The following PRRG3 variants were observed in gnomAD, a reference collection of about 807,000 sequenced individuals.
The protein encoded by PRRG3 is proline rich and Gla domain 3.
PRRG3 carries 21 observed loss-of-function variants against 15.8 expected under a neutral mutation model. The observed-to-expected ratio is 1.33, with a 90% confidence interval of 0.94 to 1.92. The LOEUF (loss-of-function observed/expected upper bound fraction) is 1.92, where lower values mean the gene tolerates loss of function less well. Ranked by LOEUF, PRRG3 falls within the 40% of genes most tolerant of loss-of-function variation. The pLI, the probability that PRRG3 is intolerant of heterozygous loss-of-function variation, is 0.00. For synonymous variants in PRRG3, 125 were observed against 84.1 expected, an observed-to-expected ratio of 1.49 and a Z score of -2.66; for missense variants, 251 against 200.2, an observed-to-expected ratio of 1.25 and a Z score of -1.53.
In PRRG3 at chrX:151,700,137, T is replaced by C. The variant is rs1038744998; in HGVS notation, c.149T>C (p.Phe50Ser). The change falls in exon 3 of 4, where the codon TTT (phenylalanine) becomes TCT (serine). Residue 50 changes from phenylalanine to serine, a missense_variant. Phe to Ser is a radical substitution (Grantham distance 155). Transcript: ENST00000674457. ...AGCTACGAGGAGGTCAAGGAAGTGTTTGAGAACAAAGAGAAAACGGCATGT... is the reference window on the plus strand; with the variant it reads ...AGCTACGAGGAGGTCAAGGAAGTGTCTGAGAACAAAGAGAAAACGGCATGT... Reference protein sequence around the residue: ...ICSYEEVKEVFENKEKTMEFW... With the variant: ...ICSYEEVKEVSENKEKTMEFW... The C allele has an allele frequency of 2.5e-6, 3 of 1,211,168 alleles. No individual in the cohort carries two copies. The highest frequency in any genetic ancestry group is 1.7e-5 in the African/African-American group (1 of 57,590).
In PRRG3 at chrX:151,703,572, G is replaced by A. The variant is rs1164845226; in HGVS notation, c.*2539G>A. On this transcript the variant is annotated 3_prime_UTR_variant, in exon 4 of 4. Coordinates refer to ENST00000674457, the MANE Select transcript of PRRG3 (RefSeq NM_001372163.1). Reference sequence around the variant, plus strand: ...GCTATATTTGTACCAGGAGGGATCCGGTCTGAAAAGAGGAATGTCACCTCC... The same window carrying A: ...GCTATATTTGTACCAGGAGGGATCCAGTCTGAAAAGAGGAATGTCACCTCC... 2.7e-5 allele frequency: 3 copies of A among 109,831 alleles called. No homozygotes were observed. Among genetic ancestry groups the A allele is most frequent in the African/African-American group, 6.7e-5 (2 of 30,059 alleles). The allele number at this position is 109,831 out of a possible 1,213,427, so 9.1% of individuals were successfully genotyped here.
chrX:151,700,652 G>A lies in PRRG3; in HGVS notation c.315G>A (p.Leu105=), dbSNP rs751033642. Residue 105 remains leucine (L), a synonymous_variant, in exon 4 of 4, where the codon CTG becomes CTA. Coordinates refer to ENST00000674457, the MANE Select transcript of PRRG3 (RefSeq NM_001372163.1). ...IALFIIWRCQ[L]QKATRHHPSY... ...TGTTCATCATCTGGAGGTGCCAGCT[G>A]CAGAAAGCGACCCGTCACCACCCCT... The A allele has an allele frequency of 3.3e-6, 4 of 1,211,562 alleles. No homozygotes were observed. The highest frequency in any genetic ancestry group is 4.5e-6 in the Non-Finnish European group (4 of 895,414).
At chrX:151,699,744 T>G (rs1443524776) in intron 2 of PRRG3, among the ~76,000 whole-genome samples, 1 of 113,018 alleles carries the variant, frequency 8.8e-6, no homozygotes, top group African/African-American at 3.2e-5. Flanking sequence ...TTTTCTTCCA[T>G]GTAGCCAGGG....
In PRRG3 at chrX:151,705,473, C is replaced by T. The variant is rs144800157; in HGVS notation, c.*4440C>T. 2,367 of 317,045 alleles carry T rather than the reference C, an allele frequency of 7.5e-3. 11 individuals are homozygous for T. The highest frequency in any genetic ancestry group is 0.012 in the Middle Eastern group (26 of 2,153). 26.1% of individuals were successfully genotyped at this position (317,045 alleles called of 1,213,427 possible). A position where few individuals can be genotyped will look rare whatever the true frequency, so the allele number is the denominator to read the frequency against. ...TATCTGACTGCTGAACAGTGCCTGCCCTTCACCCACCCCCAGCCCGAGCAT... is the reference window on the plus strand; with the variant it reads ...TATCTGACTGCTGAACAGTGCCTGCTCTTCACCCACCCCCAGCCCGAGCAT... On this transcript the variant is annotated 3_prime_UTR_variant, in exon 4 of 4. Transcript: ENST00000674457.
chrX:151,705,478 A>G lies in PRRG3; in HGVS notation c.*4445A>G, dbSNP rs184391999. On this transcript the variant is annotated 3_prime_UTR_variant, in exon 4 of 4. Coordinates refer to ENST00000674457, the MANE Select transcript of PRRG3 (RefSeq NM_001372163.1). ...GACTGCTGAACAGTGCCTGCCCTTC[A>G]CCCACCCCCAGCCCGAGCATTAACA... is the stretch of plus-strand genomic sequence containing the variant. 742 of 311,170 alleles carry G rather than the reference A, an allele frequency of 2.4e-3. 6 individuals are homozygous for G. Among genetic ancestry groups the G allele is most frequent in the African/African-American group, 0.018 (645 of 36,753 alleles). 25.6% of individuals were successfully genotyped at this position (311,170 alleles called of 1,213,427 possible). A position where few individuals can be genotyped will look rare whatever the true frequency, so the allele number is the denominator to read the frequency against.
rs766157552 is a variant in PRRG3, at chrX:151,698,498, C to T, written c.-31-286C>T. 1.0e-3 allele frequency: 229 copies of T among 226,661 alleles called. 3 individuals are homozygous for T. Among genetic ancestry groups the T allele is most frequent in the Non-Finnish European group, 1.7e-3 (214 of 126,743 alleles). 18.7% of individuals were successfully genotyped at this position (226,661 alleles called of 1,213,427 possible). ...GCTTTCCTTTTTAAAAGAAAAAGGT[C>T]AACCCTTGGTTCTTATAGATGCTCA... On this transcript the variant is annotated intron_variant, in intron 1 of 3. Transcript: ENST00000674457.
At chrX:151,697,336 A>G (rs2014784912) in intron 1 of PRRG3, among the ~76,000 whole-genome samples, 1 of 109,656 alleles carries the variant, frequency 9.1e-6, no homozygotes, top group Admixed American at 9.7e-5. Context: ...TAATTTTTGT[A>G]TTTGTAGTAG....
Position 151,705,489 on chromosome X carries a change from G to T in PRRG3, c.*4456G>T. 1 of 304,631 alleles carries T rather than the reference G, an allele frequency of 3.3e-6. No individual in the cohort carries two copies. The highest frequency in any genetic ancestry group is 3.5e-5 in the Admixed American group (1 of 28,217). 25.1% of individuals were successfully genotyped at this position (304,631 alleles called of 1,213,427 possible). A position where few individuals can be genotyped will look rare whatever the true frequency, so the allele number is the denominator to read the frequency against. ...AGTGCCTGCCCTTCACCCACCCCCA[G>T]CCCGAGCATTAACACAGATCTTCAG... is the stretch of plus-strand genomic sequence containing the variant. On this transcript the variant is annotated 3_prime_UTR_variant, in exon 4 of 4. Transcript: ENST00000674457.
In PRRG3 at chrX:151,701,676, T is replaced by C. The variant is rs2014888986; in HGVS notation, c.*643T>C. ...TGATGTCCGCCTCCCCTAAAACCTG[T>C]CCCCACACTCCTGGAAGGAGGACAG... On this transcript the variant is annotated 3_prime_UTR_variant, in exon 4 of 4. Transcript: ENST00000674457. 8.9e-6 allele frequency: 1 copy of C among 112,343 alleles called. No homozygotes were observed. The highest frequency in any genetic ancestry group is 9.3e-5 in the Admixed American group (1 of 10,710). 9.3% of individuals were successfully genotyped at this position (112,343 alleles called of 1,213,427 possible).
At chrX:151,696,583 A>AT (rs1339276484) in intron 1 of PRRG3, among the ~76,000 whole-genome samples, 2 of 111,004 alleles carry the variant, frequency 1.8e-5, no homozygotes, top group Admixed American at 9.6e-5. Context: ...ATTTTTCTCC[A>AT]TTTTTTTAAA....
At chrX:151,695,219 G>A (rs2014735944), upstream of PRRG3, 1 of 111,996 alleles carries the variant, frequency 8.9e-6, no homozygotes, top group Non-Finnish European at 1.9e-5. Context: ...GGGGTGTGGG[G>A]GGCGGGCAGC....
intron 2 of PRRG3, 105 bp from the exon 3 acceptor site, chrX:151,699,891 C>A: frequency 1.2e-6 from 1 of 862,315 alleles, no homozygotes; most frequent in Non-Finnish European, 1.6e-6. Context: ...GCTCACTCGG[C>A]CTTGTTTCCC....
Position 151,701,994 on chromosome X carries a change from G to C in PRRG3, c.*961G>C, listed in dbSNP as rs2014894929. ...ATTTGTGGAGAAGCCCGTGGCCTGG[G>C]GTTGAAGGCCCATATGGGGTTTGCT... On this transcript the variant is annotated 3_prime_UTR_variant, in exon 4 of 4. Coordinates refer to ENST00000674457, the MANE Select transcript of PRRG3 (RefSeq NM_001372163.1). 1 of 112,394 alleles carries C rather than the reference G, an allele frequency of 8.9e-6. No individual in the cohort carries two copies. Among genetic ancestry groups the C allele is most frequent in the Non-Finnish European group, 1.9e-5 (1 of 53,291 alleles). 9.3% of individuals were successfully genotyped at this position (112,394 alleles called of 1,213,427 possible). A position where few individuals can be genotyped will look rare whatever the true frequency, so the allele number is the denominator to read the frequency against.
chrX:151,701,230 G>A lies in PRRG3; in HGVS notation c.*197G>A, dbSNP rs149005365. 3,867 of 342,166 alleles carry A rather than the reference G, an allele frequency of 0.011. 114 individuals carry two copies. Among genetic ancestry groups the A allele is most frequent in the African/African-American group, 0.089 (3,372 of 37,901 alleles). The allele number at this position is 342,166 out of a possible 1,213,427, so 28.2% of individuals were successfully genotyped here. On this transcript the variant is annotated 3_prime_UTR_variant, in exon 4 of 4. Transcript: ENST00000674457. Reference sequence around the variant, plus strand: ...TGGGGGTAGGGACCACGCATGAGTCGAAGCCCCCGGGAAGAGCCAAAGGCC... The same window carrying A: ...TGGGGGTAGGGACCACGCATGAGTCAAAGCCCCCGGGAAGAGCCAAAGGCC...
At chrX:151,697,768 A>C (rs1025084684) in intron 1 of PRRG3, among the ~76,000 whole-genome samples, 1 of 108,472 alleles carries the variant, frequency 9.2e-6, no homozygotes, top group African/African-American at 3.4e-5. Flanking sequence ...GATTGCTCCC[A>C]GATGTGGACA....
Position 151,703,912 on chromosome X carries a change from T to TTGTGTGTGTGTGTG in PRRG3, c.*2907_*2920dup, listed in dbSNP as rs55716425. ...TTTTTTTTTTTTTTTTTTTTTTTTT[T>TTGTGTGTGTGTGTG]TGTGTGTGTGTGTGTGTGTGTGTGT... On this transcript the variant is annotated 3_prime_UTR_variant, in exon 4 of 4. Coordinates refer to ENST00000674457, the MANE Select transcript of PRRG3 (RefSeq NM_001372163.1). The TTGTGTGTGTGTGTG allele has an allele frequency of 1.6e-4, 3 of 19,198 alleles. No individual in the cohort carries two copies. The highest frequency in any genetic ancestry group is 5.6e-4 in the African/African-American group (3 of 5,342). 1.6% of individuals were successfully genotyped at this position (19,198 alleles called of 1,213,427 possible).
At chrX:151,697,407 G>A (rs1216319472) in intron 1 of PRRG3, among the ~76,000 whole-genome samples, 7 of 110,305 alleles carry the variant, frequency 6.3e-5, no homozygotes, top group Admixed American at 5.8e-4. Context: ...GAGGTGATCC[G>A]CCCGCCTCAG....
At position 151,701,010 on chromosome X, in the gene PRRG3, G is replaced by A. The variant is rs367767075; in HGVS notation, c.673G>A (p.Ala225Thr). 11 of 1,156,144 alleles carry A rather than the reference G, an allele frequency of 9.5e-6. No homozygotes were observed. The highest frequency in any genetic ancestry group is 7.8e-5 in the Admixed American group (3 of 38,653). The stretch of plus-strand genomic sequence containing the variant: ...CCCAAAGTACGAGGAGATAGTGGCC[G>A]CCAACCCTGGCGCTGACAAGTAGTG... ...PPPKYEEIVA[A>T]NPGADK is the part of the protein sequence containing the mutation. Residue 225 changes from alanine (A) to threonine (T), a missense_variant, in exon 4 of 4, where the codon GCC becomes ACC. Coordinates refer to ENST00000674457, the MANE Select transcript of PRRG3 (RefSeq NM_001372163.1).
intron 1 of PRRG3, chrX:151,698,583 A>C (rs1214822655): frequency 3.0e-6 from 1 of 333,095 alleles, no homozygotes; most frequent in Admixed American, 5.7e-5. Flanking sequence ...GGGCCTGGGG[A>C]GGTCTCTGGA....
Sources: allele counts gnomAD v4.1 joint callset (sites outside exome capture counted in the v4.1 genomes callset), GRCh38; gene constraint gnomAD v4.1.1; transcripts MANE v1.5; gene names NCBI Gene and HGNC (gene_info 2026-07-23, HGNC 2026-07-21).